TAX1BP1: variants seen among roughly 807,000 people sequenced by gnomAD.
TAX1BP1 encodes tax1-binding protein 1.
TAX1BP1 carries 62 observed loss-of-function variants against 97.7 expected under a neutral mutation model. That is an observed-to-expected ratio of 0.63 (90% CI 0.52 to 0.78). The LOEUF (loss-of-function observed/expected upper bound fraction) is 0.78. Ranked by LOEUF, TAX1BP1 falls within the 30% of genes least tolerant of loss-of-function variation. TAX1BP1 has a pLI of 0.00. For synonymous variants in TAX1BP1, 340 were observed against 304.2 expected, an observed-to-expected ratio of 1.12 and a Z score of -1.23; for missense variants, 867 against 916.1, an observed-to-expected ratio of 0.95 and a Z score of 0.69.
At chr7:27,766,957 C>T (rs1788671029) in intron 4 of TAX1BP1, among the ~76,000 whole-genome samples, 1 of 152,046 alleles carries the variant, frequency 6.6e-6, no homozygotes, top group African/African-American at 2.4e-5. Flanking sequence ...GCTATTTACT[C>T]CTTACTGTTT....
intron 5 of TAX1BP1, among the ~76,000 whole-genome samples, chr7:27,773,790 G>C (rs1177000813): frequency 6.6e-6 from 1 of 152,064 alleles, no homozygotes; most frequent in Non-Finnish European, 1.5e-5. Flanking sequence ...GAAATTGAAA[G>C]AGTTAAAACT....
intron 16 of TAX1BP1, 149 bp from the exon 17 acceptor site, chr7:27,828,479 C>A: frequency 3.0e-6 from 2 of 670,926 alleles, no homozygotes; most frequent in Non-Finnish European, 2.5e-6. Context: ...CATTTAGAAG[C>A]AGAGAAATGT....
At chr7:27,770,983 A>T (rs545709871) in intron 5 of TAX1BP1, among the ~76,000 whole-genome samples, 5 of 151,810 alleles carry the variant, frequency 3.3e-5, no homozygotes, top group Non-Finnish European at 7.4e-5. Flanking sequence ...AGGATTTTCC[A>T]TTTGGTTAAG....
At chr7:27,753,791 C>T (rs73684046) in intron 2 of TAX1BP1, among the ~76,000 whole-genome samples, 2,247 of 152,266 alleles carry the variant, frequency 0.015, 52 homozygotes, top group African/African-American at 0.051. Context: ...TGTGGTTTCT[C>T]TCACTCTCAA....
chr7:27,790,033 TA>T (rs931209352), intron 8 of TAX1BP1, among the ~76,000 whole-genome samples: 6 of 151,920 alleles, frequency 3.9e-5, no homozygotes, highest in Non-Finnish European at 8.9e-5. Context: ...GTGATGGTTA[TA>T]AAAAAATTTA....
chr7:27,798,061 A>G (rs892442109), intron 12 of TAX1BP1, among the ~76,000 whole-genome samples: 7 of 152,138 alleles, frequency 4.6e-5, no homozygotes, highest in Non-Finnish European at 1.0e-4. Flanking sequence ...TGTCACTATC[A>G]ATTAGCCTAC....
chr7:27,747,068 T>C (rs1363001415), intron 1 of TAX1BP1, among the ~76,000 whole-genome samples: 2 of 152,194 alleles, frequency 1.3e-5, no homozygotes, highest in Middle Eastern at 3.2e-3. Flanking sequence ...CTGTAGAAAC[T>C]TCATTGATTT....
At chr7:27,803,075 GA>G (rs776511072) in intron 13 of TAX1BP1, 40 of 1,527,578 alleles carry the variant, frequency 2.6e-5, no homozygotes, top group Admixed American at 1.0e-4. Context: ...GTAGGTAAAT[GA>G]AAAAAAATAA....
At chr7:27,764,687 G>A (rs1479124004) in intron 3 of TAX1BP1, among the ~76,000 whole-genome samples, 1 of 151,980 alleles carries the variant, frequency 6.6e-6, no homozygotes, top group Non-Finnish European at 1.5e-5. Context: ...GTATCCCTCT[G>A]TGCATCTTGC....
chr7:27,796,026 C>A, intron 11 of TAX1BP1, 90 bp from the exon 12 acceptor site: 2 of 873,720 alleles, frequency 2.3e-6, no homozygotes, highest in Non-Finnish European at 3.6e-6. Flanking sequence ...CTATATTTTA[C>A]AGTATACTGA....
At chr7:27,818,363 A>C (rs936325208) in intron 15 of TAX1BP1, among the ~76,000 whole-genome samples, 5 of 152,158 alleles carry the variant, frequency 3.3e-5, no homozygotes, top group Non-Finnish European at 7.3e-5. Context: ...AGTAATTCTT[A>C]TGTATATTCA....
rs769957437 is a variant in TAX1BP1, at chr7:27,794,455, C to CT, written c.1534+13dup. On this transcript the variant is annotated intron_variant, in intron 11 of 16. Transcript: ENST00000396319. ...GCCATCACCTTCTGCAGGTAAAAAT[C>CT]TTTTAGACTTTTTGTGTAGGGTGTC... 3.1e-6 allele frequency: 5 copies of CT among 1,597,032 alleles called. No individual in the cohort carries two copies. In the East Asian group the frequency reaches 1.1e-4, roughly 36 times the overall value.
At chr7:27,767,345 A>G (rs1247117610) in intron 4 of TAX1BP1, among the ~76,000 whole-genome samples, 3 of 152,074 alleles carry the variant, frequency 2.0e-5, no homozygotes, top group Non-Finnish European at 2.9e-5. Context: ...CTTTGATTTT[A>G]CTTTTATTTA....
chr7:27,801,131 A>AG (rs1790123691), intron 13 of TAX1BP1, among the ~76,000 whole-genome samples: 1 of 27,324 alleles, frequency 3.7e-5, no homozygotes, highest in Admixed American at 2.7e-4. Flanking sequence ...AATGTTAGAG[A>AG]AAAAAAAAAA....
intron 8 of TAX1BP1, among the ~76,000 whole-genome samples, chr7:27,788,285 C>T (rs540201919): frequency 1.3e-5 from 2 of 151,962 alleles, no homozygotes; most frequent in Non-Finnish European, 2.9e-5. Flanking sequence ...CAATTTGTTT[C>T]GTTCTTGATA....
At chr7:27,798,841 A>C (rs1027005394) in intron 12 of TAX1BP1, among the ~76,000 whole-genome samples, 3 of 149,124 alleles carry the variant, frequency 2.0e-5, no homozygotes, top group Non-Finnish European at 3.0e-5. Flanking sequence ...TCTTTGTGTG[A>C]GTGGTCGAAT....
chr7:27,821,264 T>C (rs1790962518), intron 15 of TAX1BP1, among the ~76,000 whole-genome samples: 1 of 152,230 alleles, frequency 6.6e-6, no homozygotes, highest in Non-Finnish European at 1.5e-5. Context: ...TAAAATGTTA[T>C]TAATGAGTTT....
At position 27,769,669 on chromosome 7, in the gene TAX1BP1, T is replaced by A; in HGVS notation, c.454-7T>A. On this transcript the variant is annotated splice_polypyrimidine_tract_variant and splice_region_variant and intron_variant, in intron 4 of 16. Transcript: ENST00000396319. ...AAACTAATTAATCTGAGTTTTTTGC[T>A]TTATAGTTGAAAATTGAGAAAACCA... 2 of 1,595,132 alleles carry A rather than the reference T, an allele frequency of 1.3e-6. No individual in the cohort carries two copies. The highest frequency in any genetic ancestry group is 1.9e-4 in the Middle Eastern group (1 of 5,388).
At chr7:27,784,712 A>G (rs1328921017) in intron 5 of TAX1BP1, among the ~76,000 whole-genome samples, 1 of 152,124 alleles carries the variant, frequency 6.6e-6, no homozygotes, top group African/African-American at 2.4e-5. Flanking sequence ...TATATAAATA[A>G]ACGAATCATT....
Sources: allele counts gnomAD v4.1 joint callset (sites outside exome capture counted in the v4.1 genomes callset), GRCh38; gene constraint gnomAD v4.1.1; transcripts MANE v1.5; gene names NCBI Gene and HGNC (gene_info 2026-07-23, HGNC 2026-07-21).